COL5A1: variants seen among roughly 807,000 people sequenced by gnomAD.
COL5A1 encodes the protein collagen type V alpha 1 chain.
A neutral mutation model predicts 263.7 loss-of-function variants in COL5A1; 16 were observed. That is an observed-to-expected ratio of 0.06 (90% confidence interval 0.04 to 0.09). The LOEUF (loss-of-function observed/expected upper bound fraction) is 0.09. COL5A1 is among the 10% of genes least tolerant of loss of function. The pLI, the probability that COL5A1 is intolerant of heterozygous loss-of-function variation, is 1.00. For synonymous variants in COL5A1, 1,012 were observed against 1,004.5 expected, an observed-to-expected ratio of 1.01 and a Z score of -0.14; for missense variants, 2,036 against 2,540.5, an observed-to-expected ratio of 0.80 and a Z score of 4.27.
rs1011704506 is a variant in COL5A1 at position 134,785,309 on chromosome 9, C to G, written c.2592+213C>G. Among the ~76,000 whole-genome samples, 3 of 152,138 alleles carry G rather than the reference C, an allele frequency of 2.0e-5. No individual in the cohort carries two copies. In the East Asian group the frequency reaches 5.8e-4, roughly 29 times the overall value. On this transcript the variant is annotated intron_variant, in intron 30 of 65. Transcript: ENST00000371817. ...TTCCTTGTCCCGGGTTCGCCCTTTC[C>G]CAGCCCTCCACCATCGCCTTGGAAG...
chr9:134,752,543 A>C, intron 13 of COL5A1, 46 bp from the exon 14 acceptor site: 1 of 1,493,114 alleles, frequency 6.7e-7, no homozygotes, highest in Non-Finnish European at 9.3e-7. Flanking sequence ...AAACCGGAGC[A>C]CTGCTGCTGG....
chr9:134,813,772 ACT>A (rs1054435675), intron 48 of COL5A1, among the ~76,000 whole-genome samples: 29 of 152,014 alleles, frequency 1.9e-4, no homozygotes, highest in Non-Finnish European at 4.0e-4. Context: ...CAGTCTGGAC[ACT>A]CTGCCCTGTA....
intron 11 of COL5A1, among the ~76,000 whole-genome samples, chr9:134,743,885 A>ACCTC (rs1835378776): frequency 6.6e-6 from 1 of 151,768 alleles, no homozygotes; most frequent in Non-Finnish European, 1.5e-5. Context: ...AGCAGTCACT[A>ACCTC]CCTCCCAGCC....
intron 2 of COL5A1, among the ~76,000 whole-genome samples, chr9:134,698,990 C>T (rs1227634685): frequency 6.6e-6 from 1 of 152,248 alleles, no homozygotes; most frequent in Non-Finnish European, 1.5e-5. Context: ...CCGTTCTGAG[C>T]AGCCCACAGC....
At chr9:134,706,682 G>A (rs773164696) in intron 4 of COL5A1, among the ~76,000 whole-genome samples, 2 of 152,194 alleles carry the variant, frequency 1.3e-5, no homozygotes, top group Non-Finnish European at 2.9e-5. Context: ...AAGGGATCCC[G>A]GGGACCAGTG....
At position 134,693,213 on chromosome 9, in the gene COL5A1, C is replaced by G. The variant is rs1376457651; in HGVS notation, c.277+2134C>G. Among the ~76,000 whole-genome samples the G allele has an allele frequency of 1.3e-5, 2 of 152,084 alleles. 1 individual carries two copies. Among genetic ancestry groups the G allele is most frequent in the South Asian group, 4.1e-4 (2 of 4,824 alleles). On this transcript the variant is annotated intron_variant, in intron 2 of 65. Coordinates refer to ENST00000371817, the MANE Select transcript of COL5A1 (RefSeq NM_000093.5). Reference sequence around the variant, plus strand: ...ATCAGTTGGTTTCCATGTCTGTTTCCGGCTTTTAACCAGATGCTAGGTGAG... The same window carrying G: ...ATCAGTTGGTTTCCATGTCTGTTTCGGGCTTTTAACCAGATGCTAGGTGAG...
At chr9:134,809,402 G>C in intron 43 of COL5A1, 112 bp downstream of exon 43, 2 of 833,452 alleles carry the variant, frequency 2.4e-6, no homozygotes, top group South Asian at 1.4e-5. Flanking sequence ...CTCAGCCAGC[G>C]GAGTGATGCC....
intron 11 of COL5A1, among the ~76,000 whole-genome samples, chr9:134,748,231 C>A (rs1193181752): frequency 6.8e-6 from 1 of 147,974 alleles, no homozygotes; most frequent in Non-Finnish European, 1.5e-5. Flanking sequence ...ATATGCACAC[C>A]CACACACATG....
intron 4 of COL5A1, among the ~76,000 whole-genome samples, chr9:134,724,101 T>C (rs571332170): frequency 1.6e-3 from 237 of 152,104 alleles, no homozygotes; most frequent in African/African-American, 5.1e-3. Flanking sequence ...TGCCACCCTC[T>C]CACACCTGCT....
intron 1 of COL5A1, among the ~76,000 whole-genome samples, chr9:134,646,411 G>T (rs542884042): frequency 6.0e-5 from 9 of 150,930 alleles, no homozygotes; most frequent in African/African-American, 2.2e-4. Context: ...ACCCTCCTTC[G>T]TGGGGTCCTC....
chr9:134,835,216 G>A lies in COL5A1; in HGVS notation c.5370+12G>A, dbSNP rs752141684. ...TGGACGGCTGTGCTGTGAGTATCCC[G>A]CGCCGCGCCCAGCACCCCTGCTCAC... On this transcript the variant is annotated intron_variant, in intron 65 of 65. Coordinates refer to ENST00000371817, the MANE Select transcript of COL5A1 (RefSeq NM_000093.5). 27 of 1,609,738 alleles carry A rather than the reference G, an allele frequency of 1.7e-5. No homozygotes were observed. Among genetic ancestry groups the A allele is most frequent in the Middle Eastern group, 1.6e-4 (1 of 6,066 alleles).
chr9:134,715,922 G>C (rs11789128), intron 4 of COL5A1, among the ~76,000 whole-genome samples: 1 of 151,936 alleles, frequency 6.6e-6, no homozygotes, highest in Non-Finnish European at 1.5e-5. Flanking sequence ...TGATGGAGGT[G>C]ATGATAGTGG....
chr9:134,761,353 G>A (rs933769300), intron 18 of COL5A1, among the ~76,000 whole-genome samples: 3 of 152,176 alleles, frequency 2.0e-5, no homozygotes, highest in Non-Finnish European at 4.4e-5. Flanking sequence ...GCTCCCGTAA[G>A]CATGCCCTGC....
intron 48 of COL5A1, among the ~76,000 whole-genome samples, chr9:134,813,083 T>C (rs1295413548): frequency 6.6e-6 from 1 of 152,096 alleles, no homozygotes; most frequent in Non-Finnish European, 1.5e-5. Context: ...ATAACTGGTG[T>C]TTCTAAGCTT....
chr9:134,711,927 G>C (rs1288427462), intron 4 of COL5A1, among the ~76,000 whole-genome samples: 2 of 151,782 alleles, frequency 1.3e-5, no homozygotes, highest in East Asian at 3.9e-4. Flanking sequence ...CTGGACTCCT[G>C]GGCCTGTCTG....
At chr9:134,739,936 G>T (rs376087251) in intron 11 of COL5A1, among the ~76,000 whole-genome samples, 2 of 152,302 alleles carry the variant, frequency 1.3e-5, no homozygotes, top group East Asian at 3.9e-4. Flanking sequence ...TCAGCTATGC[G>T]GGAGGAGGTT....
chr9:134,645,076 G>A (rs1240899977), intron 1 of COL5A1, among the ~76,000 whole-genome samples: 2 of 152,156 alleles, frequency 1.3e-5, no homozygotes, highest in East Asian at 3.9e-4. Context: ...TTGCCGGAGG[G>A]GTTGGAGTTT....
Position 134,643,347 on chromosome 9 carries a change from C to T in COL5A1, c.109+1051C>T, listed in dbSNP as rs557751697. On this transcript the variant is annotated intron_variant, in intron 1 of 65. Transcript: ENST00000371817. ...TGTGCTGCCAGGTCAGGAGAAGTGGCGGGCAGAGCGATGGGACGGTGGGCT... is the reference window on the plus strand; with the variant it reads ...TGTGCTGCCAGGTCAGGAGAAGTGGTGGGCAGAGCGATGGGACGGTGGGCT... Among the ~76,000 whole-genome samples, 28 of 152,176 alleles carry T rather than the reference C, an allele frequency of 1.8e-4. No individual in the cohort carries two copies. The South Asian group carries it at 5.8e-3, about 32-fold the overall frequency.
chr9:134,674,419 A>G (rs1315980551), intron 1 of COL5A1, among the ~76,000 whole-genome samples: 1 of 152,172 alleles, frequency 6.6e-6, no homozygotes, highest in African/African-American at 2.4e-5. Flanking sequence ...ATGACATTTG[A>G]GAAAAGGCAG....
Sources: gnomAD v4.1 joint callset for allele counts (sites outside exome capture counted in the v4.1 genomes callset) on GRCh38, gnomAD v4.1.1 for gene constraint, MANE v1.5 for transcripts, NCBI Gene and HGNC (gene_info 2026-07-23, HGNC 2026-07-21) for gene names.